NTRK2: variants seen among roughly 807,000 people sequenced by gnomAD.
NTRK2 encodes the protein BDNF/NT-3 growth factors receptor.
A neutral mutation model predicts 94.5 loss-of-function variants in NTRK2; 13 were observed. The observed-to-expected ratio is 0.14, with a 90% CI of 0.09 to 0.22. The LOEUF (loss-of-function observed/expected upper bound fraction) is 0.22. Ranked by LOEUF, NTRK2 falls within the 10% of genes least tolerant of loss-of-function variation. NTRK2 has a pLI of 1.00. For missense variants in NTRK2, 639 were observed against 1,071.2 expected, an observed-to-expected ratio of 0.60 and a Z score of 5.63; for synonymous variants, 372 against 407.4, an observed-to-expected ratio of 0.91 and a Z score of 1.05.
At chr9:84,990,213 G>T (rs1029353804) in intron 17 of NTRK2, among the ~76,000 whole-genome samples, 2 of 152,174 alleles carry the variant, frequency 1.3e-5, no homozygotes, top group Non-Finnish European at 2.9e-5. Flanking sequence ...AGCAGAGTTT[G>T]TTCAATAAAT....
At chr9:84,982,861 C>A (rs1827821318) in intron 17 of NTRK2, among the ~76,000 whole-genome samples, 4 of 152,044 alleles carry the variant, frequency 2.6e-5, no homozygotes, top group Admixed American at 2.0e-4. Context: ...GACGAGTAGA[C>A]AAAATGTAAT....
chr9:84,851,622 AG>A (rs965442881), intron 12 of NTRK2, among the ~76,000 whole-genome samples: 10 of 152,166 alleles, frequency 6.6e-5, no homozygotes, highest in African/African-American at 2.4e-4. Context: ...TGGGATGGGA[AG>A]GGAGACAATG....
chr9:84,788,359 A>G (rs2068342852), intron 12 of NTRK2, among the ~76,000 whole-genome samples: 1 of 152,248 alleles, frequency 6.6e-6, no homozygotes, highest in South Asian at 2.1e-4. Flanking sequence ...TTTCTCAAAC[A>G]TGAGCTAAGT....
chr9:84,770,153 A>AAC (rs35363257), intron 12 of NTRK2, among the ~76,000 whole-genome samples: 16,036 of 136,856 alleles, frequency 0.12, 885 homozygotes, highest in Admixed American at 0.15. Context: ...TGTGCATGAG[A>AAC]ACACACACAC....
chr9:84,789,353 C>T (rs1322832884), intron 12 of NTRK2, among the ~76,000 whole-genome samples: 1 of 152,180 alleles, frequency 6.6e-6, no homozygotes, highest in East Asian at 1.9e-4. Context: ...ATTGTATCTG[C>T]TCCAGATCTT....
In NTRK2 at chr9:84,861,905, G is replaced by A. The variant is rs181952619; in HGVS notation, c.1444+818G>A. ...TAGGGGAAATGTACCAATGTCAGGA[G>A]GCTGCTCAATTCCAAACCATCCACC... On this transcript the variant is annotated intron_variant, in intron 13 of 18. Transcript: ENST00000277120. Among the ~76,000 whole-genome samples, 51 of 152,244 alleles carry A rather than the reference G, an allele frequency of 3.3e-4. No individual in the cohort carries two copies. The East Asian group carries it at 9.5e-3, about 28-fold the overall frequency.
intron 9 of NTRK2, among the ~76,000 whole-genome samples, chr9:84,729,622 G>A (rs1308175206): frequency 1.3e-5 from 2 of 152,192 alleles, no homozygotes; most frequent in Non-Finnish European, 2.9e-5. Flanking sequence ...CCCCACCATT[G>A]TTAATATCTT....
intron 12 of NTRK2, among the ~76,000 whole-genome samples, chr9:84,753,955 A>C (rs1434318096): frequency 2.0e-5 from 3 of 152,200 alleles, no homozygotes; most frequent in African/African-American, 7.2e-5. Flanking sequence ...AATCACTGGC[A>C]GAATTACCAG....
Position 85,025,430 on chromosome 9 carries a change from C to T in NTRK2, c.*3993C>T. ...CAGTGGCTTGAAGGCCAATGATGAG[C>T]AGTCCAAGACCCCACAGCGAGATGA... On this transcript the variant is annotated 3_prime_UTR_variant, in exon 19 of 19. Coordinates refer to ENST00000277120, the MANE Select transcript of NTRK2 (RefSeq NM_006180.6). 1 of 233,170 alleles carries T rather than the reference C, an allele frequency of 4.3e-6. No individual in the cohort carries two copies. The highest frequency in any genetic ancestry group is 8.5e-6 in the Non-Finnish European group (1 of 117,986). The allele number at this position is 233,170 out of a possible 1,614,324, so 14.4% of individuals were successfully genotyped here.
chr9:84,671,009 G>T (rs199855609), intron 2 of NTRK2, 49 bp downstream of exon 2: 13 of 1,568,142 alleles, frequency 8.3e-6, no homozygotes, highest in African/African-American at 1.3e-5. Flanking sequence ...CCTAGGGCCC[G>T]AGCTGGCCAG....
chr9:84,686,997 A>G (rs1335875395), intron 2 of NTRK2, among the ~76,000 whole-genome samples: 3 of 152,354 alleles, frequency 2.0e-5, no homozygotes, highest in Non-Finnish European at 4.4e-5. Context: ...CATAATACGT[A>G]TACAAATGAA....
chr9:84,873,687 A>T (rs2132130726), intron 14 of NTRK2: 1 of 1,056,064 alleles, frequency 9.5e-7, no homozygotes, highest in African/African-American at 1.6e-5. Context: ...CCGCACTGAG[A>T]TGAAGATTTG....
At chr9:84,830,616 A>C (rs1334199972) in intron 12 of NTRK2, among the ~76,000 whole-genome samples, 2 of 152,116 alleles carry the variant, frequency 1.3e-5, no homozygotes, top group African/African-American at 2.4e-5. Flanking sequence ...TAAGAGAGAA[A>C]GGAGATGTTA....
chr9:84,723,105 G>C (rs1247522079), intron 6 of NTRK2, among the ~76,000 whole-genome samples: 3 of 152,152 alleles, frequency 2.0e-5, no homozygotes, highest in African/African-American at 7.2e-5. Flanking sequence ...GTTACTTAAA[G>C]CAAAAAACAG....
intron 11 of NTRK2, among the ~76,000 whole-genome samples, chr9:84,745,548 C>G (rs1459402107): frequency 6.6e-6 from 1 of 152,120 alleles, no homozygotes; most frequent in East Asian, 1.9e-4. Context: ...ATTAGCACCT[C>G]AAATACAAAT....
At position 84,797,646 on chromosome 9, in the gene NTRK2, TA is replaced by T. The variant is rs1282934918; in HGVS notation, c.1396+45563del. Reference sequence around the variant, plus strand: ...TATATATTATATATTATATATACTATAATAATATATATATTATATATTATAT... The same window carrying T: ...TATATATTATATATTATATATACTATATAATATATATATTATATATTATAT... On this transcript the variant is annotated intron_variant, in intron 12 of 18. Transcript: ENST00000277120. 3.5e-4 allele frequency among the ~76,000 whole-genome samples: 20 copies of T among 57,348 alleles called. 1 individual carries two copies. Among genetic ancestry groups the T allele is most frequent in the African/African-American group, 1.7e-3 (17 of 10,076 alleles). The allele number at this position is 57,348 out of a possible 152,430, so 37.6% of individuals were successfully genotyped here. A position where few individuals can be genotyped will look rare whatever the true frequency, so the allele number is the denominator to read the frequency against.
chr9:84,910,225 C>T (rs1234730502), intron 14 of NTRK2, among the ~76,000 whole-genome samples: 1 of 152,100 alleles, frequency 6.6e-6, no homozygotes, highest in Non-Finnish European at 1.5e-5. Context: ...TAATAAATTA[C>T]CACAAACTTG....
intron 12 of NTRK2, chr9:84,814,854 G>T: frequency 5.6e-6 from 6 of 1,063,320 alleles, no homozygotes; most frequent in South Asian, 9.1e-5. Flanking sequence ...TTGGAGTTGC[G>T]CAGCTTAGCT....
At chr9:84,725,356 C>T (rs1025907742) in intron 8 of NTRK2, among the ~76,000 whole-genome samples, 1 of 152,176 alleles carries the variant, frequency 6.6e-6, no homozygotes, top group Admixed American at 6.5e-5. Flanking sequence ...CATAATTTCT[C>T]ATCATTTTGA....
Sources: allele counts gnomAD v4.1 joint callset (sites outside exome capture counted in the v4.1 genomes callset), GRCh38; gene constraint gnomAD v4.1.1; transcripts MANE v1.5; gene names NCBI Gene and HGNC (gene_info 2026-07-23, HGNC 2026-07-21).